The following CIMIP5 variants were observed in gnomAD, a reference collection of about 807,000 sequenced individuals.
CIMIP5 encodes the protein ciliary microtubule inner protein 5.
the CIMIP5 span, among the ~76,000 whole-genome samples, chr2:11,139,100 T>A: frequency 3.0e-4 from 46 of 152,012 alleles, 1 homozygote; most frequent in Admixed American, 1.1e-3. Flanking sequence ...GTATTTTTGG[T>A]GGAGACAGGG....
chr2:11,152,411 A>G, the CIMIP5 span, among the ~76,000 whole-genome samples: 2 of 152,234 alleles, frequency 1.3e-5, no homozygotes, highest in African/African-American at 4.8e-5. Flanking sequence ...CCAGGAAGGA[A>G]CCAGGACAGC....
chr2:11,141,048 A>G, the CIMIP5 span, among the ~76,000 whole-genome samples: 1 of 151,270 alleles, frequency 6.6e-6, no homozygotes, highest in African/African-American at 2.4e-5. Context: ...CAGGTGGCTT[A>G]CAAAGCCTCC....
chr2:11,140,524 G>A, the CIMIP5 span: 4 of 1,572,280 alleles, frequency 2.5e-6, no homozygotes, highest in Admixed American at 6.7e-5. Flanking sequence ...CAGAACTGGA[G>A]TTTCCTGAAA....
At chr2:11,146,786 G>C in the CIMIP5 span, 1 of 152,270 alleles carries the variant, frequency 6.6e-6, no homozygotes, top group Admixed American at 6.5e-5. Context: ...ACAGCCAGGG[G>C]TCCTGGTCAC....
chr2:11,149,711 A>AT, the CIMIP5 span, among the ~76,000 whole-genome samples: 3 of 131,094 alleles, frequency 2.3e-5, no homozygotes, highest in East Asian at 2.6e-4. Context: ...TATCTCAAAA[A>AT]AAATTAATTA....
chr2:11,133,309 C>T, the CIMIP5 span: 1 of 1,549,252 alleles, frequency 6.5e-7, no homozygotes, highest in Non-Finnish European at 8.6e-7. Context: ...CTGACACAAG[C>T]GCACACACAC....
chr2:11,136,818 A>G, the CIMIP5 span, among the ~76,000 whole-genome samples: 3 of 152,250 alleles, frequency 2.0e-5, no homozygotes, highest in African/African-American at 7.2e-5. Flanking sequence ...CGATGTGAAT[A>G]AGCTCTCTCT....
the CIMIP5 span, among the ~76,000 whole-genome samples, chr2:11,134,200 GAGA>G: frequency 0.073 from 11,180 of 152,300 alleles, 627 homozygotes; most frequent in South Asian, 0.22. Context: ...CATGAAATAG[GAGA>G]AGGAGCCAAG....
chr2:11,140,666 G>C, the CIMIP5 span: 3 of 736,436 alleles, frequency 4.1e-6, no homozygotes, highest in Non-Finnish European at 6.4e-6. Context: ...GATGTGCAGC[G>C]ATGAGTCAAA....
At chr2:11,134,291 G>A in the CIMIP5 span, among the ~76,000 whole-genome samples, 1 of 152,198 alleles carries the variant, frequency 6.6e-6, no homozygotes, top group African/African-American at 2.4e-5. Flanking sequence ...ACAGGATGAG[G>A]GGGAGCAGCG....
the CIMIP5 span, among the ~76,000 whole-genome samples, chr2:11,152,942 G>A: frequency 6.6e-6 from 1 of 152,202 alleles, no homozygotes; most frequent in African/African-American, 2.4e-5. Flanking sequence ...GGTTTTGCTA[G>A]TTTGCACCTG....
chr2:11,143,463 TGGTTG>T, the CIMIP5 span, among the ~76,000 whole-genome samples: 2 of 151,592 alleles, frequency 1.3e-5, no homozygotes, highest in African/African-American at 2.4e-5. Flanking sequence ...CCCCTTGATC[TGGTTG>T]GGCACATGGG....
chr2:11,139,901 A>T, the CIMIP5 span, among the ~76,000 whole-genome samples: 4 of 150,906 alleles, frequency 2.7e-5, no homozygotes, highest in East Asian at 3.9e-4. Context: ...AGCCTGACCA[A>T]TATGGTGAAA....
chr2:11,133,579 G>A, the CIMIP5 span: 1 of 1,601,500 alleles, frequency 6.2e-7, no homozygotes, highest in African/African-American at 1.3e-5. Flanking sequence ...GAGCGGCGGG[G>A]CCAGCAGCGC....
chr2:11,143,185 A>G, the CIMIP5 span, among the ~76,000 whole-genome samples: 1 of 146,780 alleles, frequency 6.8e-6, no homozygotes, highest in African/African-American at 2.7e-5. Flanking sequence ...CACACCATGG[A>G]GTACAGTTCA....
the CIMIP5 span, chr2:11,140,635 T>C: frequency 4.6e-6 from 5 of 1,091,240 alleles, no homozygotes; most frequent in East Asian, 4.9e-5. Flanking sequence ...TTATTGAAGA[T>C]CTACTCTACA....
At chr2:11,153,543 T>C in the CIMIP5 span, among the ~76,000 whole-genome samples, 1 of 152,204 alleles carries the variant, frequency 6.6e-6, no homozygotes, top group Non-Finnish European at 1.5e-5. Context: ...GACCACCTCC[T>C]TGCATCAAGG....
chr2:11,138,141 G>A, the CIMIP5 span, among the ~76,000 whole-genome samples: 1 of 152,236 alleles, frequency 6.6e-6, no homozygotes, highest in Admixed American at 6.5e-5. Flanking sequence ...ACCGCGCCTG[G>A]CAGAAAGGTT....
the CIMIP5 span, among the ~76,000 whole-genome samples, chr2:11,148,298 G>T: frequency 4.6e-5 from 7 of 151,970 alleles, no homozygotes; most frequent in African/African-American, 1.7e-4. Context: ...TGCATTTTTA[G>T]TAGAGACATG....
Sources: allele counts gnomAD v4.1 joint callset (sites outside exome capture counted in the v4.1 genomes callset), GRCh38; gene constraint gnomAD v4.1.1; transcripts MANE v1.5; gene names NCBI Gene and HGNC (gene_info 2026-07-23, HGNC 2026-07-21).